EPM2A: variants seen among roughly 807,000 people sequenced by gnomAD.
The protein encoded by EPM2A is laforin.
In EPM2A, 21 loss-of-function variants were observed where a neutral mutation model predicts 26.5. The observed-to-expected ratio is 0.79, with a 90% CI of 0.56 to 1.14. The LOEUF is 1.14. Ranked by LOEUF, EPM2A falls within the 50% of genes most tolerant of loss-of-function variation. The pLI is 0.00. For missense variants in EPM2A, 458 were observed against 440.8 expected (o/e 1.04, Z -0.35); for synonymous variants, 217 against 177.6 (o/e 1.22, Z -1.76).
intron 4 of EPM2A, among the ~76,000 whole-genome samples, chr6:145,442,989 T>A (rs1415103093): frequency 6.6e-6 from 1 of 152,070 alleles, no homozygotes; most frequent in African/African-American, 2.4e-5. Context: ...GCCTTCTGAG[T>A]AGCTGGGACT....
chr6:145,393,221 C>T (rs1000077291), intron 4 of EPM2A, among the ~76,000 whole-genome samples: 2 of 152,068 alleles, frequency 1.3e-5, no homozygotes, highest in Non-Finnish European at 2.9e-5. Context: ...AGGAAAGATA[C>T]TCGAGTAGCT....
rs538317517 is a variant in EPM2A, at chr6:145,525,565, T to C, written c.341-22990A>G. ...TAGATATTTTTGTGGCTGTGGTAAA[T>C]GGAATTGCATTGTTGATTTGGCTCT... is the stretch of plus-strand genomic sequence containing the variant. On this transcript the variant is annotated intron_variant, in intron 2 of 3. Coordinates refer to the EPM2A transcript ENST00000450221. Among the ~76,000 whole-genome samples, 254 of 152,182 alleles carry C rather than the reference T, an allele frequency of 1.7e-3. 2 individuals carry two copies. The highest frequency in any genetic ancestry group is 5.9e-3 in the African/African-American group (246 of 41,540).
intron 2 of EPM2A, among the ~76,000 whole-genome samples, chr6:145,507,072 T>TTATAG (rs1562362485): frequency 6.6e-6 from 1 of 152,190 alleles, no homozygotes; most frequent in Non-Finnish European, 1.5e-5. Flanking sequence ...CAGCCAAGAC[T>TTATAG]GTGGTTTTAA....
intron 2 of EPM2A, among the ~76,000 whole-genome samples, chr6:145,560,585 A>G (rs1780790683): frequency 6.6e-6 from 1 of 152,186 alleles, no homozygotes; most frequent in Non-Finnish European, 1.5e-5. Flanking sequence ...CAAAATCCAT[A>G]TCGACATCTA....
At chr6:145,575,008 C>T (rs1296019916) in intron 2 of EPM2A, among the ~76,000 whole-genome samples, 4 of 152,288 alleles carry the variant, frequency 2.6e-5, no homozygotes, top group South Asian at 4.1e-4. Flanking sequence ...CTCTAGGGGC[C>T]TGCTGGGACT....
intron 2 of EPM2A, among the ~76,000 whole-genome samples, chr6:145,595,755 A>G (rs1212591995): frequency 1.3e-5 from 2 of 152,158 alleles, no homozygotes; most frequent in Admixed American, 1.3e-4. Flanking sequence ...TGAAATAGAT[A>G]GTGATATTAT....
At chr6:145,668,954 A>T (rs1468365896) in intron 2 of EPM2A, among the ~76,000 whole-genome samples, 1 of 152,088 alleles carries the variant, frequency 6.6e-6, no homozygotes, top group East Asian at 1.9e-4. Context: ...GTACAAGTAG[A>T]TGTTATCAGT....
chr6:145,710,080 C>T (rs1775220683), intron 1 of EPM2A, among the ~76,000 whole-genome samples: 2 of 152,030 alleles, frequency 1.3e-5, no homozygotes, highest in Admixed American at 6.6e-5. Flanking sequence ...GTCTAAAACA[C>T]CAAAAGCAAT....
intron 2 of EPM2A, among the ~76,000 whole-genome samples, chr6:145,564,924 A>G (rs1780862661): frequency 6.6e-6 from 1 of 152,080 alleles, no homozygotes; most frequent in African/African-American, 2.4e-5. Context: ...TTCTGTTTGT[A>G]CCACTGCTCC....
Position 145,678,650 on chromosome 6 carries a change from TGTTCATCATCCCTG to T in EPM2A, c.476+7458_476+7471del, listed in dbSNP as rs1439870199. 2.8e-4 allele frequency among the ~76,000 whole-genome samples: 42 copies of T among 152,122 alleles called. 2 individuals are homozygous for T. The highest frequency in any genetic ancestry group is 2.2e-3 in the Admixed American group (34 of 15,280). ...TGCAGCCAACAGACACATGAAAAAA[TGTTCATCATCCCTG>T]GTCATCAGAGAAATACAAATCAAAA... On this transcript the variant is annotated intron_variant, in intron 2 of 3. Transcript: ENST00000367519.
At chr6:145,464,733 T>A (rs1314014241) in intron 4 of EPM2A, among the ~76,000 whole-genome samples, 2 of 152,110 alleles carry the variant, frequency 1.3e-5, no homozygotes, top group Non-Finnish European at 2.9e-5. Flanking sequence ...TTTTATCATT[T>A]GAAAGTTTTA....
At chr6:145,710,994 A>T (rs1775284192) in intron 1 of EPM2A, among the ~76,000 whole-genome samples, 1 of 125,122 alleles carries the variant, frequency 8.0e-6, no homozygotes, top group Non-Finnish European at 1.7e-5. Context: ...GGGGGGAGGG[A>T]TAGCATTAGG....
chr6:145,444,709 T>C (rs544001285), intron 4 of EPM2A, among the ~76,000 whole-genome samples: 106 of 152,326 alleles, frequency 7.0e-4, no homozygotes, highest in Non-Finnish European at 1.2e-3. Context: ...TTTATTGCTT[T>C]TGTTTCTTAT....
At chr6:145,692,842 G>A (rs1265011630) in intron 1 of EPM2A, among the ~76,000 whole-genome samples, 1 of 152,106 alleles carries the variant, frequency 6.6e-6, no homozygotes, top group Non-Finnish European at 1.5e-5. Context: ...TTGAAGTCAA[G>A]TAATGTGATG....
chr6:145,602,766 T>C (rs775738523), intron 2 of EPM2A, among the ~76,000 whole-genome samples: 4 of 152,122 alleles, frequency 2.6e-5, no homozygotes, highest in African/African-American at 4.8e-5. Context: ...CCATCTGACA[T>C]AGGAAAAAGT....
rs562363678 is a variant in EPM2A at position 145,435,629 on chromosome 6, T to A, written c.556-51532A>T. ...TTAAGTTGTAGGGTACCTGTGCTTT[T>A]TAAATAAATTACCCAGTCTCAGGTA... On this transcript the variant is annotated intron_variant, in intron 4 of 4. Transcript: ENST00000638717. 7.2e-5 allele frequency among the ~76,000 whole-genome samples: 11 copies of A among 152,082 alleles called. No homozygotes were observed. In the South Asian group the frequency reaches 1.9e-3, roughly 26 times the overall value.
At chr6:145,507,111 TA>T (rs1779987002) in intron 2 of EPM2A, among the ~76,000 whole-genome samples, 1 of 152,196 alleles carries the variant, frequency 6.6e-6, no homozygotes, top group Non-Finnish European at 1.5e-5. Context: ...AAATCACAAG[TA>T]AAAAAATCAA....
chr6:145,432,726 T>G (rs1184551330), intron 4 of EPM2A, among the ~76,000 whole-genome samples: 2 of 152,182 alleles, frequency 1.3e-5, no homozygotes, highest in African/African-American at 4.8e-5. Flanking sequence ...AGAGTCAACC[T>G]GTCCTTTGAA....
At chr6:145,558,068 A>G (rs1472551898) in intron 2 of EPM2A, among the ~76,000 whole-genome samples, 1 of 152,112 alleles carries the variant, frequency 6.6e-6, no homozygotes, top group African/African-American at 2.4e-5. Context: ...AATGTCCTCC[A>G]GGTTCATCCG....
Sources: allele counts gnomAD v4.1 joint callset (sites outside exome capture counted in the v4.1 genomes callset), GRCh38; gene constraint gnomAD v4.1.1; transcripts MANE v1.5; gene names NCBI Gene and HGNC (gene_info 2026-07-23, HGNC 2026-07-21).